Variants in AGBL3 observed in about 807,000 individuals in gnomAD.
AGBL3 encodes the protein cytosolic carboxypeptidase 3.
In AGBL3, 68 loss-of-function variants were observed where a neutral mutation model predicts 94.5. The observed-to-expected ratio is 0.72, with a 90% CI of 0.59 to 0.88. The LOEUF (loss-of-function observed/expected upper bound fraction) is 0.88, where lower values mean the gene tolerates loss of function less well. Among genes scored for constraint, AGBL3 ranks in the 40% least tolerant of loss-of-function variants. The pLI is 0.00. For synonymous variants in AGBL3, 354 were observed against 370.7 expected (o/e 0.95, Z 0.52); for missense variants, 934 against 1,103.8 (o/e 0.85, Z 2.18).
intron 4 of AGBL3, chr7:135,011,429 C>CGATAT (rs1813141312): frequency 6.6e-6 from 1 of 152,018 alleles, no homozygotes; most frequent in African/African-American, 2.4e-5. Context: ...GACTACGATA[C>CGATAT]AATTAAAAAC....
rs748739702 is a variant in AGBL3, at chr7:134,989,323, T to G, written c.124+13T>G. ...GCACTTTTAACAGGTTTGAACCTAT[T>G]CATATAGTTTTTGTTTAGCATAAAA... On this transcript the variant is annotated intron_variant, in intron 3 of 16. Coordinates refer to ENST00000436302, the MANE Select transcript of AGBL3 (RefSeq NM_178563.4). 6.6e-7 allele frequency: 1 copy of G among 1,520,516 alleles called. No homozygotes were observed. The highest frequency in any genetic ancestry group is 1.3e-5 in the South Asian group (1 of 77,102). 94.2% of individuals were successfully genotyped at this position (1,520,516 alleles called of 1,614,324 possible).
chr7:135,041,809 A>G (rs1051778430), intron 8 of AGBL3, among the ~76,000 whole-genome samples: 1 of 152,180 alleles, frequency 6.6e-6, no homozygotes, highest in African/African-American at 2.4e-5. Flanking sequence ...CTCACAAAGA[A>G]CTTTTATCCA....
chr7:135,031,121 G>A (rs556434550), intron 5 of AGBL3, among the ~76,000 whole-genome samples: 16 of 151,388 alleles, frequency 1.1e-4, no homozygotes, highest in Non-Finnish European at 2.9e-5. Flanking sequence ...TCCAACATTT[G>A]CATTATCTTG....
At chr7:135,080,359 T>C in intron 14 of AGBL3, 99 bp downstream of exon 14, 2 of 873,158 alleles carry the variant, frequency 2.3e-6, no homozygotes, top group South Asian at 3.0e-5. Flanking sequence ...TGCTTGGTGC[T>C]AGGGATATTA....
At chr7:135,105,034 T>C (rs1824443450) in intron 15 of AGBL3, among the ~76,000 whole-genome samples, 1 of 151,670 alleles carries the variant, frequency 6.6e-6, no homozygotes, top group Non-Finnish European at 1.5e-5. Flanking sequence ...CTAGGTTGTC[T>C]TCCAGGGTTT....
Position 135,045,460 on chromosome 7 carries a change from T to C in AGBL3, c.1628-14T>C. On this transcript the variant is annotated splice_polypyrimidine_tract_variant and intron_variant, in intron 9 of 16. Transcript: ENST00000436302. ...ACTTACCCTCAAGGGTGGATAAACT[T>C]ATTGATGTTTTAGGTAACAAACGAG... 1 of 1,546,162 alleles carries C rather than the reference T, an allele frequency of 6.5e-7. No individual in the cohort carries two copies. The highest frequency in any genetic ancestry group is 1.4e-5 in the African/African-American group (1 of 73,036).
Position 135,034,543 on chromosome 7 carries a change from G to C in AGBL3, c.952G>C (p.Val318Leu). The C allele has an allele frequency of 1.3e-6, 2 of 1,551,910 alleles. No homozygotes were observed. The highest frequency in any genetic ancestry group is 1.7e-6 in the Non-Finnish European group (2 of 1,147,032). The change falls in exon 7 of 17, where the codon GTA becomes CTA. Residue 318 changes from valine (V) to leucine (L), a missense_variant. Around this residue, in one of 3 missense-constraint regions of AGBL3, gnomAD observed 488 missense variants for 563.6 expected, o/e 0.87. Coordinates refer to ENST00000436302, the MANE Select transcript of AGBL3 (RefSeq NM_178563.4). ...EYLSGINNDPVRSKFCKIRVL... is the reference protein window; with the variant it reads ...EYLSGINNDPLRSKFCKIRVL... ...CCTTTCTGGCATCAATAATGATCCA[G>C]TACGGTCAAAGTTTTGTAAAATACG...
At chr7:135,020,100 G>T (rs1814262484) in intron 5 of AGBL3, among the ~76,000 whole-genome samples, 1 of 152,188 alleles carries the variant, frequency 6.6e-6, no homozygotes, top group South Asian at 2.1e-4. Flanking sequence ...TACAGCAAAA[G>T]AAACCACCAT....
intron 15 of AGBL3, among the ~76,000 whole-genome samples, chr7:135,111,307 A>G (rs1825608899): frequency 1.3e-5 from 2 of 152,298 alleles, no homozygotes; most frequent in South Asian, 4.1e-4. Context: ...TATAGCCAAC[A>G]TTCATTACCT....
chr7:135,122,627 T>C (rs1827296942), intron 16 of AGBL3, among the ~76,000 whole-genome samples: 1 of 152,090 alleles, frequency 6.6e-6, no homozygotes, highest in Non-Finnish European at 1.5e-5. Context: ...ACGTGAGCAA[T>C]ACTGCTGGCA....
At chr7:135,045,631 T>C in intron 10 of AGBL3, 57 bp downstream of exon 10, 2 of 1,463,296 alleles carry the variant, frequency 1.4e-6, no homozygotes. Context: ...TAACATAAGC[T>C]GACTATGGGC....
chr7:134,995,827 T>C (rs1419955437), intron 4 of AGBL3, among the ~76,000 whole-genome samples: 3 of 152,174 alleles, frequency 2.0e-5, no homozygotes, highest in Non-Finnish European at 4.4e-5. Flanking sequence ...ACTGTTCTTT[T>C]ATTTTCAGTC....
intron 5 of AGBL3, among the ~76,000 whole-genome samples, chr7:135,017,773 A>T (rs970495108): frequency 6.6e-6 from 1 of 152,206 alleles, no homozygotes; most frequent in Non-Finnish European, 1.5e-5. Flanking sequence ...GGAACTAGCA[A>T]GACAAAGAGA....
rs74873179 is a variant in AGBL3 at position 135,004,453 on chromosome 7, G to A, written c.310+10775G>A. On this transcript the variant is annotated intron_variant, in intron 4 of 16. Transcript: ENST00000436302. ...ACGTTATTTAGAATTCTTTGCTTTA[G>A]AGCAGTTTCAATAATGTTTTAATTA... Among the ~76,000 whole-genome samples, 266 of 151,634 alleles carry A rather than the reference G, an allele frequency of 1.8e-3. 4 individuals carry two copies. In the South Asian group the frequency reaches 0.043, roughly 25 times the overall value.
intron 11 of AGBL3, among the ~76,000 whole-genome samples, chr7:135,052,489 G>A (rs1483123827): frequency 1.3e-5 from 2 of 152,056 alleles, no homozygotes; most frequent in Admixed American, 6.6e-5. Context: ...ATTGCATAAT[G>A]CTGGGGTTTG....
intron 15 of AGBL3, among the ~76,000 whole-genome samples, chr7:135,086,192 T>G (rs2116881143): frequency 6.6e-6 from 1 of 152,054 alleles, no homozygotes; most frequent in Non-Finnish European, 1.5e-5. Flanking sequence ...TGTATCCAAC[T>G]TTACTAAATT....
intron 4 of AGBL3, among the ~76,000 whole-genome samples, chr7:135,012,748 A>T (rs1813314759): frequency 6.6e-6 from 1 of 152,142 alleles, no homozygotes; most frequent in African/African-American, 2.4e-5. Context: ...GTAGAAAAAA[A>T]AATCCTTGAC....
intron 4 of AGBL3, among the ~76,000 whole-genome samples, chr7:135,016,395 T>C (rs1022445132): frequency 2.6e-5 from 4 of 152,072 alleles, no homozygotes; most frequent in African/African-American, 9.7e-5. Flanking sequence ...TCCAAAATGT[T>C]TGTCCAGTAA....
intron 12 of AGBL3, among the ~76,000 whole-genome samples, chr7:135,074,004 G>T (rs1199499547): frequency 6.6e-6 from 1 of 151,622 alleles, no homozygotes; most frequent in Non-Finnish European, 1.5e-5. Flanking sequence ...AATGTACAAT[G>T]TGGTGACTAT....
Sources: gnomAD v4.1 joint callset for allele counts (sites outside exome capture counted in the v4.1 genomes callset) on GRCh38, gnomAD v4.1.1 for gene constraint, gnomAD v4.1.1 regional missense constraint, MANE v1.5 for transcripts, NCBI Gene and HGNC (gene_info 2026-07-23, HGNC 2026-07-21) for gene names.